TAPT1: variants seen among roughly 807,000 people sequenced by gnomAD.
The protein encoded by TAPT1 is transmembrane anterior posterior transformation protein 1 homolog.
A neutral mutation model predicts 65.6 loss-of-function variants in TAPT1; 28 were observed. The ratio of observed to expected loss-of-function variants is 0.43; its 90% CI spans 0.32 to 0.59. TAPT1 has a LOEUF of 0.59. Among genes scored for constraint, TAPT1 ranks in the 20% least tolerant of loss-of-function variants. TAPT1 has a pLI of 0.09. For synonymous variants in TAPT1, 278 were observed against 245.2 expected (o/e 1.13, Z -1.25); for missense variants, 563 against 679.9 (o/e 0.83, Z 1.91).
intron 11 of TAPT1, among the ~76,000 whole-genome samples, chr4:16,173,172 T>A (rs1444014733): frequency 6.6e-6 from 1 of 152,060 alleles, no homozygotes; most frequent in Non-Finnish European, 1.5e-5. Context: ...AAGAACATAA[T>A]CAAATACAAG....
At chr4:16,219,439 T>C (rs1167924348) in intron 1 of TAPT1, among the ~76,000 whole-genome samples, 1 of 152,232 alleles carries the variant, frequency 6.6e-6, no homozygotes, top group African/African-American at 2.4e-5. Flanking sequence ...CATGTATCCC[T>C]ATATTCTCGA....
intron 4 of TAPT1, chr4:16,190,850 CTTATA>C (rs1483724024): frequency 1.9e-5 from 3 of 154,836 alleles, no homozygotes; most frequent in South Asian, 2.0e-4. Context: ...AAATTGGGAA[CTTATA>C]TTTATTTACC....
chr4:16,177,069 A>T (rs975088839), intron 8 of TAPT1, among the ~76,000 whole-genome samples: 5 of 152,242 alleles, frequency 3.3e-5, no homozygotes, highest in African/African-American at 9.6e-5. Flanking sequence ...ACCTAGTGAT[A>T]GATAGATAAG....
chr4:16,202,154 G>C (rs529274222), intron 3 of TAPT1, among the ~76,000 whole-genome samples: 5 of 152,212 alleles, frequency 3.3e-5, no homozygotes, highest in African/African-American at 1.2e-4. Context: ...TTAAGAACGT[G>C]ATAAGTAGGT....
At chr4:16,173,410 C>T (rs558033712) in intron 11 of TAPT1, among the ~76,000 whole-genome samples, 4 of 152,188 alleles carry the variant, frequency 2.6e-5, no homozygotes, top group African/African-American at 9.6e-5. Context: ...GAAAAAAATA[C>T]ATATTTCTTT....
chr4:16,227,029 C>T (rs1560199302), upstream of TAPT1: 1 of 453,982 alleles, frequency 2.2e-6, no homozygotes, highest in Non-Finnish European at 4.4e-6. Flanking sequence ...ATCACCGACC[C>T]CCACGAGCGC....
chr4:16,218,401 T>A (rs535457221), intron 1 of TAPT1, among the ~76,000 whole-genome samples: 1 of 152,188 alleles, frequency 6.6e-6, no homozygotes, highest in Non-Finnish European at 1.5e-5. Flanking sequence ...TGAAACTCCA[T>A]CTCAAGAAAA....
chr4:16,199,537 A>G (rs1183580341), intron 3 of TAPT1, among the ~76,000 whole-genome samples: 1 of 152,192 alleles, frequency 6.6e-6, no homozygotes, highest in Non-Finnish European at 1.5e-5. Flanking sequence ...CTGGCAGAGG[A>G]TTTAAGATTT....
chr4:16,182,922 G>A (rs1470901211), intron 7 of TAPT1: 2 of 152,122 alleles, frequency 1.3e-5, no homozygotes, highest in African/African-American at 2.4e-5. Context: ...TCTCCATGAA[G>A]TCTTCTATAT....
chr4:16,173,388 A>C lies in TAPT1; in HGVS notation c.1236+816T>G, dbSNP rs575449422. 2.4e-4 allele frequency among the ~76,000 whole-genome samples: 36 copies of C among 152,244 alleles called. 1 individual carries two copies. The South Asian group carries it at 7.0e-3, about 30-fold the overall frequency. The stretch of plus-strand genomic sequence containing the variant: ...GTTGAGGGTTGATTTAGTAAGTTTC[A>C]GTAGTGCTTTTGAAAAAAATACATA... On this transcript the variant is annotated intron_variant, in intron 11 of 13. Coordinates refer to ENST00000405303, the MANE Select transcript of TAPT1 (RefSeq NM_153365.3).
chr4:16,189,020 T>C (rs1749191685), intron 4 of TAPT1, among the ~76,000 whole-genome samples: 1 of 152,132 alleles, frequency 6.6e-6, no homozygotes, highest in South Asian at 2.1e-4. Flanking sequence ...GACAAATATA[T>C]CATTTGACCT....
At chr4:16,164,588 C>T (rs923630382) in intron 13 of TAPT1, among the ~76,000 whole-genome samples, 9 of 152,138 alleles carry the variant, frequency 5.9e-5, no homozygotes, top group African/African-American at 2.2e-4. Flanking sequence ...GTGACGCTTA[C>T]TAACTTTTTG....
At chr4:16,191,868 T>C (rs1489411952) in intron 3 of TAPT1, among the ~76,000 whole-genome samples, 4 of 152,246 alleles carry the variant, frequency 2.6e-5, no homozygotes, top group Admixed American at 6.5e-5. Context: ...TCCCTGCACA[T>C]AGCCTGCTGG....
At chr4:16,192,986 C>A (rs1749461978) in intron 3 of TAPT1, among the ~76,000 whole-genome samples, 1 of 152,166 alleles carries the variant, frequency 6.6e-6, no homozygotes, top group African/African-American at 2.4e-5. Flanking sequence ...GTAAATCTTC[C>A]AAACTGTTAC....
chr4:16,185,946 G>C (rs959710492), intron 7 of TAPT1, among the ~76,000 whole-genome samples: 3 of 152,142 alleles, frequency 2.0e-5, no homozygotes, highest in African/African-American at 7.2e-5. Flanking sequence ...TCATATTCTT[G>C]TGAAAACACT....
chr4:16,227,128 C>G (rs1412370564), upstream of TAPT1: 1 of 455,684 alleles, frequency 2.2e-6, no homozygotes, highest in Non-Finnish European at 4.4e-6. Flanking sequence ...TGTCCTTTGG[C>G]AGTTTCCAAA....
At chr4:16,179,759 G>A in intron 7 of TAPT1, 102 bp from the exon 8 acceptor site, 2 of 541,080 alleles carry the variant, frequency 3.7e-6, no homozygotes, top group South Asian at 3.1e-5. Flanking sequence ...ATTATTAGAC[G>A]ATGTATAAAT....
At chr4:16,170,219 A>C (rs1483024339) in intron 12 of TAPT1, among the ~76,000 whole-genome samples, 1 of 152,260 alleles carries the variant, frequency 6.6e-6, no homozygotes, top group Non-Finnish European at 1.5e-5. Context: ...GATGGATTCC[A>C]CTGGTCACAG....
At chr4:16,186,934 AC>A (rs1749056667) in intron 5 of TAPT1, 56 bp from the exon 6 acceptor site, 6 of 967,928 alleles carry the variant, frequency 6.2e-6, no homozygotes, top group Admixed American at 4.5e-5. Context: ...TACTGATAAT[AC>A]TATAAAATTT....
Sources: gnomAD v4.1 joint callset for allele counts (sites outside exome capture counted in the v4.1 genomes callset) on GRCh38, gnomAD v4.1.1 for gene constraint, MANE v1.5 for transcripts, NCBI Gene and HGNC (gene_info 2026-07-23, HGNC 2026-07-21) for gene names.